The following TIPRL variants were observed in gnomAD, a reference collection of about 807,000 sequenced individuals.
TIPRL encodes the protein TOR signaling pathway regulator, also known as TIP41-like protein.
Under a neutral mutation model 32.3 loss-of-function variants are expected in TIPRL, and 10 were observed. The observed-to-expected ratio is 0.31, with a 90% confidence interval of 0.19 to 0.52. The LOEUF is 0.52. Ranked by LOEUF, TIPRL falls within the 20% of genes least tolerant of loss-of-function variation. The probability of loss-of-function intolerance (pLI) is 0.96; values close to 1 mark genes in which losing one functional copy is unlikely to be tolerated. For missense variants in TIPRL, 250 were observed against 328.1 expected (o/e 0.76, Z 1.84); for synonymous variants, 100 against 114.0 (o/e 0.88, Z 0.78).
intron 4 of TIPRL, among the ~76,000 whole-genome samples, chr1:168,192,617 G>A (rs1475723617): frequency 6.6e-6 from 1 of 152,160 alleles, no homozygotes; most frequent in African/African-American, 2.4e-5. Flanking sequence ...CTCTCAATTA[G>A]GCCGGGCGCG....
intron 1 of TIPRL, among the ~76,000 whole-genome samples, chr1:168,181,313 A>G (rs996592909): frequency 1.3e-5 from 2 of 151,578 alleles, no homozygotes; most frequent in African/African-American, 4.8e-5. Context: ...CCTGGGTTCA[A>G]GCGATTCTCC....
At chr1:168,179,267 C>A in intron 1 of TIPRL, 86 bp downstream of exon 1, 1 of 1,208,630 alleles carries the variant, frequency 8.3e-7, no homozygotes, top group Non-Finnish European at 1.2e-6. Flanking sequence ...AGCCCCTCCC[C>A]TTTTCCCTGA....
intron 5 of TIPRL, among the ~76,000 whole-genome samples, chr1:168,197,643 C>G (rs1700172200): frequency 6.6e-6 from 1 of 152,080 alleles, no homozygotes; most frequent in Non-Finnish European, 1.5e-5. Flanking sequence ...TCTCAGCCTC[C>G]CTAGTAGCTG....
chr1:168,182,779 C>T (rs1433573029), intron 1 of TIPRL, among the ~76,000 whole-genome samples: 2 of 152,214 alleles, frequency 1.3e-5, no homozygotes, highest in South Asian at 2.1e-4. Context: ...TTAGAATCCA[C>T]AGACTCACAT....
At chr1:168,191,858 C>CAAAAA (rs60988834) in intron 4 of TIPRL, among the ~76,000 whole-genome samples, 135 of 38,570 alleles carry the variant, frequency 3.5e-3, no homozygotes, top group East Asian at 6.4e-3. Context: ...GGCGACAGAG[C>CAAAAA]AAAAAAAAAA....
intron 2 of TIPRL, among the ~76,000 whole-genome samples, chr1:168,184,564 G>A (rs959477951): frequency 1.1e-4 from 17 of 152,096 alleles, no homozygotes; most frequent in African/African-American, 3.9e-4. Context: ...TCCTCAGGCT[G>A]TATACAGACT....
intron 3 of TIPRL, among the ~76,000 whole-genome samples, chr1:168,190,779 C>G (rs1279708986): frequency 6.6e-6 from 1 of 152,144 alleles, no homozygotes; most frequent in African/African-American, 2.4e-5. Context: ...GTGTGCATGT[C>G]TTAGAGCTAC....
At chr1:168,183,127 T>G (rs1043246221) in intron 1 of TIPRL, among the ~76,000 whole-genome samples, 3 of 152,192 alleles carry the variant, frequency 2.0e-5, no homozygotes, top group Non-Finnish European at 4.4e-5. Flanking sequence ...TTTCATATTA[T>G]TATAGTCTCT....
chr1:168,183,778 A>G, intron 1 of TIPRL, 124 bp from the exon 2 acceptor site: 1 of 985,378 alleles, frequency 1.0e-6, no homozygotes, highest in Non-Finnish European at 1.5e-6. Flanking sequence ...AATATATCAT[A>G]TTGATTAAAT....
In TIPRL at chr1:168,196,531, T is replaced by C. The variant is rs1700154880; in HGVS notation, c.517-16T>C. On this transcript the variant is annotated splice_polypyrimidine_tract_variant and intron_variant, in intron 4 of 6. Transcript: ENST00000367833. ...TTTTTATTAAAATATTAATGTACCT[T>C]TTTTTTTTTTTCCAGAGAGTAATGC... The C allele has an allele frequency of 3.4e-6, 3 of 869,738 alleles. No homozygotes were observed. Among genetic ancestry groups the C allele is most frequent in the East Asian group, 5.0e-5 (1 of 19,894 alleles). The allele number at this position is 869,738 out of a possible 1,614,324, so 53.9% of individuals were successfully genotyped here.
At chr1:168,192,195 C>T in intron 4 of TIPRL, 2 of 1,488,014 alleles carry the variant, frequency 1.3e-6, no homozygotes, top group Middle Eastern at 1.7e-4. Context: ...TCAACTACCA[C>T]TTCAATTTTC....
At chr1:168,179,347 C>T (rs1407575372) in intron 1 of TIPRL, among the ~76,000 whole-genome samples, 166 bp downstream of exon 1, 1 of 152,198 alleles carries the variant, frequency 6.6e-6, no homozygotes, top group Non-Finnish European at 1.5e-5. Flanking sequence ...GTCACACTTC[C>T]GGGCCCTTTG....
intron 4 of TIPRL, chr1:168,192,166 TATG>T: frequency 6.8e-7 from 1 of 1,464,288 alleles, no homozygotes; most frequent in East Asian, 2.8e-5. Context: ...ATCCATGTGT[TATG>T]ATTTCAGTGC....
rs142035818 is a variant in TIPRL, at chr1:168,195,033, A to G, written c.517-1514A>G. 5.9e-5 allele frequency among the ~76,000 whole-genome samples: 9 copies of G among 152,350 alleles called. 1 individual carries two copies. In the East Asian group the frequency reaches 1.7e-3, roughly 29 times the overall value. On this transcript the variant is annotated intron_variant, in intron 4 of 6. Coordinates refer to ENST00000367833, the MANE Select transcript of TIPRL (RefSeq NM_152902.5). ...ACATGTGTACTGAAATCTGAAGGACAAGTGAACATTAGCCGGGAGAATACT... is the reference window on the plus strand; with the variant it reads ...ACATGTGTACTGAAATCTGAAGGACGAGTGAACATTAGCCGGGAGAATACT...
chr1:168,196,570 C>A lies in TIPRL; in HGVS notation c.540C>A (p.Phe180Leu). Residue 180 changes from phenylalanine (F) to leucine (L), a missense_variant, in exon 5 of 7, where the codon TTC becomes TTA. By Grantham distance (22) the Phe-to-Leu change is conservative. Coordinates refer to ENST00000367833, the MANE Select transcript of TIPRL (RefSeq NM_152902.5). ...AGAGAGTAATGCCTTCTAGCTTTTT[C>A]CTGCTGTTGCGGTTTTTCTTGAGAA... ...VKIRVMPSSF[F>L]LLLRFFLRID... The A allele has an allele frequency of 1.3e-6, 2 of 1,582,480 alleles. No individual in the cohort carries two copies. The highest frequency in any genetic ancestry group is 1.7e-6 in the Non-Finnish European group (2 of 1,165,322).
Position 168,200,124 on chromosome 1 carries a change from G to C in TIPRL, c.*78G>C. 2 of 1,454,078 alleles carry C rather than the reference G, an allele frequency of 1.4e-6. No homozygotes were observed. Among genetic ancestry groups the C allele is most frequent in the Non-Finnish European group, 1.9e-6 (2 of 1,078,722 alleles). The allele number at this position is 1,454,078 out of a possible 1,614,324, so 90.1% of individuals were successfully genotyped here. ...TTGTAAGGGGTTATTTTTATTATGAGAATTAATTGCCTTGTTTATGTACAG... is the reference window on the plus strand; with the variant it reads ...TTGTAAGGGGTTATTTTTATTATGACAATTAATTGCCTTGTTTATGTACAG... On this transcript the variant is annotated 3_prime_UTR_variant, in exon 7 of 7. Transcript: ENST00000367833.
At chr1:168,196,793 T>C (rs1220053737) in intron 5 of TIPRL, 151 bp downstream of exon 5, 1 of 464,684 alleles carries the variant, frequency 2.2e-6, no homozygotes, top group Non-Finnish European at 3.6e-6. Flanking sequence ...CACTGTTGAC[T>C]GCAGGCTATC....
intron 6 of TIPRL, 29 bp downstream of exon 6, chr1:168,199,010 G>A (rs769304005): frequency 5.8e-6 from 9 of 1,561,664 alleles, no homozygotes; most frequent in Middle Eastern, 1.7e-4. Context: ...GTTTTTAGAA[G>A]TTAATTTTAA....
intron 1 of TIPRL, among the ~76,000 whole-genome samples, chr1:168,180,471 T>TG (rs1699946171): frequency 6.6e-6 from 1 of 152,148 alleles, no homozygotes; most frequent in Non-Finnish European, 1.5e-5. Context: ...ATAACGTCTG[T>TG]GGGTTTAAGT....
Sources: allele counts gnomAD v4.1 joint callset (sites outside exome capture counted in the v4.1 genomes callset), GRCh38; gene constraint gnomAD v4.1.1; transcripts MANE v1.5; gene names NCBI Gene and HGNC (gene_info 2026-07-23, HGNC 2026-07-21).